LRRTM4: variants seen among roughly 807,000 people sequenced by gnomAD.
LRRTM4 encodes leucine rich repeat transmembrane neuronal 4, also known as leucine-rich repeat transmembrane neuronal protein 4.
A neutral mutation model predicts 47.6 loss-of-function variants in LRRTM4; 25 were observed. That is an observed-to-expected ratio of 0.53 (90% CI 0.38 to 0.73). The LOEUF (loss-of-function observed/expected upper bound fraction) is 0.73. Among genes scored for constraint, LRRTM4 ranks in the 30% least tolerant of loss-of-function variants. The pLI is 0.00. For synonymous variants in LRRTM4, 311 were observed against 269.5 expected (o/e 1.15, Z -1.51); for missense variants, 638 against 713.4 (o/e 0.89, Z 1.20).
At chr2:77,123,898 A>G (rs1671585484) in intron 3 of LRRTM4, among the ~76,000 whole-genome samples, 1 of 152,092 alleles carries the variant, frequency 6.6e-6, no homozygotes, top group African/African-American at 2.4e-5. Context: ...TTGGGAGGAT[A>G]TAAGAAAATA....
intron 3 of LRRTM4, among the ~76,000 whole-genome samples, chr2:77,057,272 A>G (rs896596395): frequency 6.6e-6 from 1 of 152,222 alleles, no homozygotes; most frequent in African/African-American, 2.4e-5. Flanking sequence ...AAGTTTAGAT[A>G]ATTGTGATAA....
At chr2:77,237,387 G>A (rs1675131304) in intron 3 of LRRTM4, among the ~76,000 whole-genome samples, 1 of 151,820 alleles carries the variant, frequency 6.6e-6, no homozygotes, top group Non-Finnish European at 1.5e-5. Flanking sequence ...TGTGGGATTG[G>A]TTTTAATGTC....
At chr2:77,002,001 T>C (rs1280832684) in intron 3 of LRRTM4, among the ~76,000 whole-genome samples, 1 of 152,182 alleles carries the variant, frequency 6.6e-6, no homozygotes, top group Non-Finnish European at 1.5e-5. Context: ...AATAAAAGCT[T>C]ATGTTAATAG....
chr2:77,443,770 C>G (rs1172560180), intron 3 of LRRTM4, among the ~76,000 whole-genome samples: 3 of 152,090 alleles, frequency 2.0e-5, no homozygotes, highest in Admixed American at 6.6e-5. Flanking sequence ...GACAGCATCC[C>G]TAACATTGAC....
At chr2:76,794,429 T>C (rs568658299) in intron 3 of LRRTM4, among the ~76,000 whole-genome samples, 12 of 152,212 alleles carry the variant, frequency 7.9e-5, no homozygotes, top group Non-Finnish European at 1.5e-4. Context: ...TTACCAGATA[T>C]TCCAGCTATT....
intron 3 of LRRTM4, among the ~76,000 whole-genome samples, chr2:76,954,144 A>G (rs1558759749): frequency 6.6e-6 from 1 of 152,024 alleles, no homozygotes; most frequent in East Asian, 1.9e-4. Flanking sequence ...TTCAAAGTGT[A>G]TGGATCCCCA....
intron 3 of LRRTM4, among the ~76,000 whole-genome samples, chr2:77,046,446 C>T (rs545749970): frequency 4.6e-5 from 7 of 152,114 alleles, no homozygotes; most frequent in African/African-American, 1.7e-4. Flanking sequence ...TGCTCTATCA[C>T]TCCACTGAAT....
In LRRTM4 at chr2:77,522,191, G is replaced by A. The variant is rs186486723; in HGVS notation, c.-230C>T. The A allele has an allele frequency of 1.1e-4, 78 of 711,930 alleles. 2 individuals are homozygous for A. The highest frequency in any genetic ancestry group is 8.1e-4 in the African/African-American group (46 of 57,076). The allele number at this position is 711,930 out of a possible 1,614,324, so 44.1% of individuals were successfully genotyped here. ...GGATTTTCAGTTCTTGAAGCAAGTAGGCCTCCTGTGCTGTATGAGACCCCA... is the reference window on the plus strand; with the variant it reads ...GGATTTTCAGTTCTTGAAGCAAGTAAGCCTCCTGTGCTGTATGAGACCCCA... On this transcript the variant is annotated 5_prime_UTR_variant, in exon 1 of 4. Coordinates refer to ENST00000409884, the MANE Select transcript of LRRTM4 (RefSeq NM_001134745.3).
chr2:76,935,631 C>G (rs1345912201), intron 3 of LRRTM4, among the ~76,000 whole-genome samples: 1 of 152,096 alleles, frequency 6.6e-6, no homozygotes, highest in Non-Finnish European at 1.5e-5. Context: ...TGAGAGTTCA[C>G]TCATGATTTG....
At chr2:77,207,366 T>C (rs1056027408) in intron 3 of LRRTM4, among the ~76,000 whole-genome samples, 2 of 130,600 alleles carry the variant, frequency 1.5e-5, no homozygotes, top group Admixed American at 7.6e-5. Flanking sequence ...TATATATATA[T>C]ATATATACAC....
chr2:76,998,244 C>G (rs1377469355), intron 3 of LRRTM4, among the ~76,000 whole-genome samples: 1 of 151,990 alleles, frequency 6.6e-6, no homozygotes, highest in East Asian at 1.9e-4. Context: ...ATATACAATA[C>G]ACTGCCTGCT....
chr2:76,757,719 A>G (rs945702743), intron 3 of LRRTM4, among the ~76,000 whole-genome samples: 3 of 152,158 alleles, frequency 2.0e-5, no homozygotes, highest in African/African-American at 7.2e-5. Flanking sequence ...TTCCAATCAC[A>G]TAACTTTCTC....
intron 3 of LRRTM4, among the ~76,000 whole-genome samples, chr2:77,223,226 T>C (rs990094866): frequency 6.6e-6 from 1 of 152,148 alleles, no homozygotes; most frequent in Non-Finnish European, 1.5e-5. Flanking sequence ...ATAAGAGTTA[T>C]CTATGACAAA....
At chr2:77,057,630 A>T (rs1425846126) in intron 3 of LRRTM4, among the ~76,000 whole-genome samples, 1 of 152,192 alleles carries the variant, frequency 6.6e-6, no homozygotes, top group Non-Finnish European at 1.5e-5. Context: ...TCCCAGCTGC[A>T]CATTAGAACC....
At chr2:77,131,756 G>A (rs1438617355) in intron 3 of LRRTM4, among the ~76,000 whole-genome samples, 2 of 152,158 alleles carry the variant, frequency 1.3e-5, no homozygotes, top group African/African-American at 4.8e-5. Flanking sequence ...TAAACTTCCT[G>A]TGAATATACC....
chr2:77,341,706 A>G (rs1455302822), intron 3 of LRRTM4, among the ~76,000 whole-genome samples: 1 of 152,024 alleles, frequency 6.6e-6, no homozygotes, highest in Non-Finnish European at 1.5e-5. Context: ...TGGTAAAATA[A>G]TTTCTTTTTG....
intron 3 of LRRTM4, among the ~76,000 whole-genome samples, chr2:76,783,434 T>A (rs1032233759): frequency 6.6e-6 from 1 of 152,206 alleles, no homozygotes; most frequent in Non-Finnish European, 1.5e-5. Flanking sequence ...GTGTTCAGTT[T>A]TGTGGTGTGA....
At chr2:76,823,730 T>C (rs1241780527) in intron 3 of LRRTM4, among the ~76,000 whole-genome samples, 2 of 151,474 alleles carry the variant, frequency 1.3e-5, no homozygotes, top group East Asian at 1.9e-4. Context: ...GATTCACTGA[T>C]TGTTTTAGTG....
At position 77,380,309 on chromosome 2, in the gene LRRTM4, G is replaced by A. The variant is rs563784605; in HGVS notation, c.1551+138009C>T. Among the ~76,000 whole-genome samples, 6 of 152,244 alleles carry A rather than the reference G, an allele frequency of 3.9e-5. No homozygotes were observed. The South Asian group carries it at 1.2e-3, about 32-fold the overall frequency. On this transcript the variant is annotated intron_variant, in intron 3 of 3. Transcript: ENST00000409884. ...CTCATGCACAGTTCATGAGCTAACA[G>A]TCAGTAAAACATCTTTTGAGGACAA...
Sources: gnomAD v4.1 joint callset for allele counts (sites outside exome capture counted in the v4.1 genomes callset) on GRCh38, gnomAD v4.1.1 for gene constraint, MANE v1.5 for transcripts, NCBI Gene and HGNC (gene_info 2026-07-23, HGNC 2026-07-21) for gene names.